Variants in FER observed in about 807,000 individuals in gnomAD.
FER encodes the protein tyrosine-protein kinase Fer.
In FER, 63 loss-of-function variants were observed where a neutral mutation model predicts 111.0. That is an observed-to-expected ratio of 0.57 (90% CI 0.46 to 0.70). The LOEUF (loss-of-function observed/expected upper bound fraction) is 0.70. Ranked by LOEUF, FER falls within the 30% of genes least tolerant of loss-of-function variation. FER has a pLI of 0.00. For synonymous variants in FER, 327 were observed against 313.9 expected, an observed-to-expected ratio of 1.04 and a Z score of -0.44; for missense variants, 914 against 954.0, an observed-to-expected ratio of 0.96 and a Z score of 0.55.
At chr5:108,922,962 CA>C (rs1753226206) in intron 10 of FER, among the ~76,000 whole-genome samples, 1 of 152,132 alleles carries the variant, frequency 6.6e-6, no homozygotes, top group African/African-American at 2.4e-5. Flanking sequence ...TCTGGATCCA[CA>C]GTCCTTGGAT....
chr5:108,831,325 T>A (rs1293562878), intron 3 of FER, among the ~76,000 whole-genome samples: 1 of 152,110 alleles, frequency 6.6e-6, no homozygotes, highest in Non-Finnish European at 1.5e-5. Flanking sequence ...ACTGCATAGT[T>A]TGAAGTGAAA....
intron 3 of FER, among the ~76,000 whole-genome samples, chr5:108,829,857 AATT>A (rs1759854942): frequency 6.6e-6 from 1 of 152,134 alleles, no homozygotes; most frequent in Non-Finnish European, 1.5e-5. Flanking sequence ...CCAAACCACC[AATT>A]ATACATATAG....
intron 13 of FER, among the ~76,000 whole-genome samples, chr5:108,977,079 C>G (rs549994788): frequency 6.6e-6 from 1 of 152,228 alleles, no homozygotes; most frequent in South Asian, 2.1e-4. Flanking sequence ...TAGCATCACA[C>G]AGCATTTTAA....
intron 17 of FER, among the ~76,000 whole-genome samples, chr5:109,118,474 T>G (rs556057932): frequency 6.3e-4 from 96 of 152,218 alleles, no homozygotes; most frequent in South Asian, 1.0e-3. Context: ...TCTCTTTTTT[T>G]GTTGTGTCTC....
At chr5:108,980,768 A>G (rs544864794) in intron 13 of FER, among the ~76,000 whole-genome samples, 7 of 152,160 alleles carry the variant, frequency 4.6e-5, no homozygotes, top group Non-Finnish European at 8.8e-5. Context: ...GTCATAGTCC[A>G]TGAGTGATTG....
At chr5:108,828,504 T>G (rs900328934) in intron 3 of FER, among the ~76,000 whole-genome samples, 2 of 152,258 alleles carry the variant, frequency 1.3e-5, no homozygotes, top group African/African-American at 4.8e-5. Flanking sequence ...TTATTATCAC[T>G]TTAATGTTTT....
chr5:108,866,990 C>T (rs962514856), intron 5 of FER, among the ~76,000 whole-genome samples: 1 of 152,094 alleles, frequency 6.6e-6, no homozygotes, highest in Non-Finnish European at 1.5e-5. Flanking sequence ...AATTTCTCTG[C>T]TTGATTTTCA....
intron 16 of FER, among the ~76,000 whole-genome samples, chr5:109,069,991 T>C (rs1192735478): frequency 1.3e-5 from 2 of 152,144 alleles, no homozygotes; most frequent in African/African-American, 2.4e-5. Context: ...GATTGTACTT[T>C]TATAACTTTT....
intron 10 of FER, among the ~76,000 whole-genome samples, chr5:108,903,511 A>G (rs987353788): frequency 1.3e-5 from 2 of 152,186 alleles, no homozygotes; most frequent in East Asian, 1.9e-4. Context: ...CTAAAAATAC[A>G]AAGATTAGCC....
chr5:109,036,628 C>G (rs1190702211), intron 13 of FER, among the ~76,000 whole-genome samples: 1 of 152,036 alleles, frequency 6.6e-6, no homozygotes, highest in African/African-American at 2.4e-5. Flanking sequence ...CTACTCCCCT[C>G]CTTTTTTTCT....
At chr5:109,138,417 ATG>A (rs1753146523) in intron 17 of FER, among the ~76,000 whole-genome samples, 1 of 152,184 alleles carries the variant, frequency 6.6e-6, no homozygotes, top group Non-Finnish European at 1.5e-5. Flanking sequence ...GGGTGGTGAT[ATG>A]TGTGTTAATT....
intron 17 of FER, among the ~76,000 whole-genome samples, chr5:109,132,399 G>T (rs1752448924): frequency 6.6e-6 from 1 of 152,134 alleles, no homozygotes; most frequent in Admixed American, 6.6e-5. Context: ...CTAGGAACTT[G>T]GGATGCATCA....
intron 13 of FER, among the ~76,000 whole-genome samples, chr5:109,017,637 A>G (rs1767343375): frequency 6.6e-6 from 1 of 151,924 alleles, no homozygotes; most frequent in South Asian, 2.1e-4. Context: ...AATAAAATTC[A>G]TTTTGCTTTT....
At chr5:108,839,575 T>TC (rs1207391611) in intron 5 of FER, among the ~76,000 whole-genome samples, 65 of 132,394 alleles carry the variant, frequency 4.9e-4, no homozygotes, top group Non-Finnish European at 8.5e-4. Context: ...CCATTTTCTT[T>TC]TTTTTTTTTT....
intron 13 of FER, among the ~76,000 whole-genome samples, chr5:108,999,541 C>G (rs1319762142): frequency 2.0e-5 from 3 of 151,998 alleles, no homozygotes; most frequent in Non-Finnish European, 4.4e-5. Context: ...GTGAGAGTTT[C>G]TTTTATTTTG....
intron 13 of FER, among the ~76,000 whole-genome samples, chr5:108,986,983 A>G (rs1407347909): frequency 1.3e-5 from 2 of 152,104 alleles, no homozygotes; most frequent in Non-Finnish European, 2.9e-5. Context: ...TCTGTCAAGA[A>G]TGATGGTGGT....
At chr5:109,007,643 G>A (rs1019494012) in intron 13 of FER, among the ~76,000 whole-genome samples, 16 of 152,142 alleles carry the variant, frequency 1.1e-4, no homozygotes, top group African/African-American at 3.9e-4. Flanking sequence ...TCCTTGTGAT[G>A]TACCACCATT....
At chr5:109,125,058 A>T (rs7701171) in intron 17 of FER, among the ~76,000 whole-genome samples, 5,366 of 151,666 alleles carry the variant, frequency 0.035, 113 homozygotes, top group Middle Eastern at 0.1. Flanking sequence ...AAAAAAAAAA[A>T]AAAAAAGAAG....
intron 10 of FER, among the ~76,000 whole-genome samples, chr5:108,921,169 C>G (rs1456443012): frequency 6.6e-6 from 1 of 152,080 alleles, no homozygotes; most frequent in Non-Finnish European, 1.5e-5. Flanking sequence ...TGCCTTTTTC[C>G]TTTTCTTGCA....
Sources: gnomAD v4.1 joint callset for allele counts (sites outside exome capture counted in the v4.1 genomes callset) on GRCh38, gnomAD v4.1.1 for gene constraint, MANE v1.5 for transcripts, NCBI Gene and HGNC (gene_info 2026-07-23, HGNC 2026-07-21) for gene names.